Variants in UGT2A1 observed in about 807,000 individuals in gnomAD.
The protein encoded by UGT2A1 is UDP-glucuronosyltransferase 2A1.
In UGT2A1, 61 loss-of-function variants were observed where a neutral mutation model predicts 45.4. The ratio of observed to expected loss-of-function variants is 1.34; its 90% confidence interval spans 1.09 to 1.66. UGT2A1 has a LOEUF of 1.66. Among genes scored for constraint, UGT2A1 ranks in the 40% most tolerant of loss-of-function variants. UGT2A1 has a pLI of 0.00. For synonymous variants in UGT2A1, 229 were observed against 196.2 expected (o/e 1.17, Z -1.40); for missense variants, 649 against 574.3 (o/e 1.13, Z -1.33).
In UGT2A1 at chr4:69,589,714, A is replaced by T. The variant is rs546585927; in HGVS notation, c.1305-63T>A. On this transcript the variant is annotated intron_variant, in intron 6 of 6. Transcript: ENST00000286604. Reference sequence around the variant, plus strand: ...TTGTTTTTATTTTCATTGAAGATAAATATGTGATACACTTTTGCTCTACAA... The same window carrying T: ...TTGTTTTTATTTTCATTGAAGATAATTATGTGATACACTTTTGCTCTACAA... The T allele has an allele frequency of 7.7e-6, 12 of 1,553,072 alleles. No homozygotes were observed. The African/African-American group carries it at 1.6e-4, about 21-fold the overall frequency.
chr4:69,623,068 T>G (rs11249453), intron 3 of UGT2A1, among the ~76,000 whole-genome samples: 41,320 of 151,702 alleles, frequency 0.27, 5,876 homozygotes, highest in South Asian at 0.32. Flanking sequence ...CTTCTGTTAC[T>G]GAAGGCAATA....
In UGT2A1 at chr4:69,646,952, A is replaced by G; in HGVS notation, c.693T>C (p.Asp231=). Residue 231 remains aspartate (D), a synonymous_variant, in exon 2 of 7, where the codon GAT becomes GAC. Transcript: ENST00000286604. Reference sequence around the variant, plus strand: ...TACCTAAAGCTTTACTATAGTATGAATCCCATGATTTCCAAAGAGTTTCAA... The same window carrying G: ...TACCTAAAGCTTTACTATAGTATGAGTCCCATGATTTCCAAAGAGTTTCAA... ...YMFETLWKSW[D]SYYSKALGGL... is the part of the protein sequence containing the mutation. 6.3e-7 allele frequency: 1 copy of G among 1,596,126 alleles called. No homozygotes were observed. The highest frequency in any genetic ancestry group is 8.5e-7 in the Non-Finnish European group (1 of 1,172,992).
intron 3 of UGT2A1, among the ~76,000 whole-genome samples, chr4:69,625,399 A>G (rs1168442926): frequency 1.3e-5 from 2 of 151,034 alleles, no homozygotes; most frequent in African/African-American, 4.8e-5. Flanking sequence ...TTCCTTTAGG[A>G]TATTGAAATA....
Position 69,594,643 on chromosome 4 carries a change from C to T in UGT2A1, c.1138G>A (p.Glu380Lys), listed in dbSNP as rs148464836. ...ATAGGGACTCCGTGGTAAATAGCTT[C>T]GTAGATCCCATTAGTTCCACCATGA... ...ITHGGTNGIY[E>K]AIYHGVPMVG... Residue 380 changes from glutamate to lysine, a missense_variant, in exon 6 of 7, where the codon GAA becomes AAA. Glu to Lys is a moderately conservative substitution (Grantham distance 56). Coordinates refer to ENST00000286604, the MANE Select transcript of UGT2A1 (RefSeq NM_001252275.3). The T allele has an allele frequency of 2.6e-3, 4,134 of 1,614,038 alleles. 6 individuals are homozygous for T. Among genetic ancestry groups the T allele is most frequent in the Non-Finnish European group, 3.1e-3 (3,605 of 1,180,024 alleles).
chr4:69,632,307 T>C (rs1022214018), intron 3 of UGT2A1, among the ~76,000 whole-genome samples: 2 of 152,160 alleles, frequency 1.3e-5, no homozygotes, highest in African/African-American at 4.8e-5. Context: ...TTGGGGTTAA[T>C]AAGGGGTCTG....
chr4:69,606,116 A>AG lies in UGT2A1; in HGVS notation c.848-6723_848-6722insC, dbSNP rs1719595663. On this transcript the variant is annotated intron_variant, in intron 3 of 6. Transcript: ENST00000286604. ...GATATCAAAGCCTGGCAGAGACACA[A>AG]CAAAAAAAGAGAATTTTAGACCAAT... 1.7e-5 allele frequency among the ~76,000 whole-genome samples: 2 copies of AG among 117,074 alleles called. 1 individual carries two copies. Among genetic ancestry groups the AG allele is most frequent in the African/African-American group, 6.8e-5 (2 of 29,436 alleles). 76.8% of individuals were successfully genotyped at this position (117,074 alleles called of 152,430 possible).
At chr4:69,600,345 A>G (rs552852542) in intron 3 of UGT2A1, among the ~76,000 whole-genome samples, 13 of 152,304 alleles carry the variant, frequency 8.5e-5, no homozygotes, top group African/African-American at 2.4e-4. Context: ...TCCTAATCCT[A>G]TATCACAAGG....
At chr4:69,628,334 A>T (rs1236331834) in intron 3 of UGT2A1, among the ~76,000 whole-genome samples, 2 of 151,972 alleles carry the variant, frequency 1.3e-5, no homozygotes, top group Non-Finnish European at 2.9e-5. Context: ...AAAGCTGCAG[A>T]CATCACACTC....
At position 69,649,405 on chromosome 4, in the gene UGT2A1, A is replaced by G. The variant is rs932464077; in HGVS notation, c.-54-1707T>C. On this transcript the variant is annotated intron_variant, in intron 1 of 6. Coordinates refer to ENST00000286604, the MANE Select transcript of UGT2A1 (RefSeq NM_001252275.3). ...GGCAAGAAACTTTAAAATAATTGTC[A>G]TGATTCACTAGGATGTCATGATTCA... 3.3e-5 allele frequency among the ~76,000 whole-genome samples: 5 copies of G among 152,222 alleles called. No homozygotes were observed. The East Asian group carries it at 7.7e-4, about 24-fold the overall frequency.
At chr4:69,612,734 T>C (rs956029723) in intron 3 of UGT2A1, among the ~76,000 whole-genome samples, 2 of 151,924 alleles carry the variant, frequency 1.3e-5, no homozygotes, top group South Asian at 2.1e-4. Context: ...TAATGGAATG[T>C]GGATCAAAGA....
chr4:69,595,401 G>GTACCTT (rs1718865228), intron 4 of UGT2A1, 152 bp from the exon 5 acceptor site: 1 of 796,380 alleles, frequency 1.3e-6, no homozygotes, highest in African/African-American at 1.7e-5. Context: ...TAGTAGGACT[G>GTACCTT]TTTATATGTA....
rs563668463 is a variant in UGT2A1 at position 69,638,057 on chromosome 4, G to A, written c.716-2235C>T. On this transcript the variant is annotated intron_variant, in intron 2 of 6. Coordinates refer to ENST00000286604, the MANE Select transcript of UGT2A1 (RefSeq NM_001252275.3). The stretch of plus-strand genomic sequence containing the variant: ...GAAAAAAAGGAAGGAAAAAAGGAAC[G>A]ACCAAGGGGAGTGAGGGAGAAAGGA... Among the ~76,000 whole-genome samples, 343 of 151,982 alleles carry A rather than the reference G, an allele frequency of 2.3e-3. 1 individual carries two copies. Among genetic ancestry groups the A allele is most frequent in the Non-Finnish European group, 3.7e-3 (248 of 67,912 alleles).
intron 2 of UGT2A1, among the ~76,000 whole-genome samples, chr4:69,642,725 T>C (rs1465568961): frequency 1.3e-5 from 2 of 151,666 alleles, no homozygotes; most frequent in Non-Finnish European, 1.5e-5. Context: ...ATGGCATTCA[T>C]CTTAGAGATT....
At chr4:69,622,681 A>G (rs1258010781) in intron 3 of UGT2A1, among the ~76,000 whole-genome samples, 1 of 151,748 alleles carries the variant, frequency 6.6e-6, no homozygotes, top group African/African-American at 2.4e-5. Flanking sequence ...TGAGGATTTC[A>G]TGTGTTATGA....
At chr4:69,594,772 A>G (rs1718820197) in intron 5 of UGT2A1, 76 bp from the exon 6 acceptor site, 1 of 1,491,032 alleles carries the variant, frequency 6.7e-7, no homozygotes, top group African/African-American at 1.4e-5. Context: ...GAAGGGGTCA[A>G]AAAGCTGTAA....
In UGT2A1 at chr4:69,603,196, G is replaced by C. The variant is rs577833971; in HGVS notation, c.848-3802C>G. On this transcript the variant is annotated intron_variant, in intron 3 of 6. Coordinates refer to ENST00000286604, the MANE Select transcript of UGT2A1 (RefSeq NM_001252275.3). ...TAAAATCCATACGGAAAAGCAAAGA[G>C]CCAAAAATAATCAAGGAACTCCAGA... 4.0e-4 allele frequency among the ~76,000 whole-genome samples: 54 copies of C among 136,340 alleles called. 11 individuals carry two copies. The highest frequency in any genetic ancestry group is 1.5e-3 in the African/African-American group (52 of 33,744). 89.4% of individuals were successfully genotyped at this position (136,340 alleles called of 152,430 possible).
At chr4:69,603,368 T>C (rs543046559) in intron 3 of UGT2A1, among the ~76,000 whole-genome samples, 1 of 136,212 alleles carries the variant, frequency 7.3e-6, no homozygotes, top group Non-Finnish European at 1.6e-5. Flanking sequence ...GGAAAAAATG[T>C]TTTCAATAAA....
At chr4:69,610,653 C>A (rs1351369911) in intron 3 of UGT2A1, among the ~76,000 whole-genome samples, 1 of 152,038 alleles carries the variant, frequency 6.6e-6, no homozygotes, top group East Asian at 1.9e-4. Flanking sequence ...AAGGGTGGGT[C>A]TCTAATCCAT....
Position 69,602,120 on chromosome 4 carries a change from A to G in UGT2A1, c.848-2726T>C, listed in dbSNP as rs1719330899. Reference sequence around the variant, plus strand: ...CAAAAGATATGAAAAAGTTGGACTCATTATAGTAATGAAATGATAGCTTAA... The same window carrying G: ...CAAAAGATATGAAAAAGTTGGACTCGTTATAGTAATGAAATGATAGCTTAA... On this transcript the variant is annotated intron_variant, in intron 3 of 6. Coordinates refer to ENST00000286604, the MANE Select transcript of UGT2A1 (RefSeq NM_001252275.3). Among the ~76,000 whole-genome samples, 2 of 136,970 alleles carry G rather than the reference A, an allele frequency of 1.5e-5. 1 individual carries two copies. Among genetic ancestry groups the G allele is most frequent in the African/African-American group, 5.9e-5 (2 of 33,926 alleles). The allele number at this position is 136,970 out of a possible 152,430, so 89.9% of individuals were successfully genotyped here. A position where few individuals can be genotyped will look rare whatever the true frequency, so the allele number is the denominator to read the frequency against.
Sources: allele counts gnomAD v4.1 joint callset (sites outside exome capture counted in the v4.1 genomes callset), GRCh38; gene constraint gnomAD v4.1.1; transcripts MANE v1.5; gene names NCBI Gene and HGNC (gene_info 2026-07-23, HGNC 2026-07-21).